NCF4: variants seen among roughly 807,000 people sequenced by gnomAD.
NCF4 encodes the protein neutrophil cytosolic factor 4, also known as neutrophil cytosol factor 4.
A neutral mutation model predicts 41.7 loss-of-function variants in NCF4; 30 were observed. The ratio of observed to expected loss-of-function variants is 0.72; its 90% confidence interval spans 0.54 to 0.97. The LOEUF (loss-of-function observed/expected upper bound fraction) is 0.97. NCF4 is among the 50% of genes least tolerant of loss of function. NCF4 has a pLI of 0.00. For missense variants in NCF4, 432 were observed against 460.9 expected, an observed-to-expected ratio of 0.94 and a Z score of 0.57; for synonymous variants, 195 against 175.8, an observed-to-expected ratio of 1.11 and a Z score of -0.87.
Position 36,877,809 on chromosome 22 carries a change from A to G in NCF4, c.1006A>G (p.Asn336Asp), listed in dbSNP as rs954280317. 6.2e-7 allele frequency: 1 copy of G among 1,613,736 alleles called. No individual in the cohort carries two copies. Among genetic ancestry groups the G allele is most frequent in the Admixed American group, 1.7e-5 (1 of 59,960 alleles). Residue 336 changes from asparagine to aspartate, a missense_variant, in exon 10 of 10, where the codon AAC becomes GAC. Transcript: ENST00000248899. ...GCAGAAGGACAACTACAGGGTCTAC[A>G]ACACGATGCCATGAGCTGACGGTGT... ...ITQKDNYRVY[N>D]TMP
intron 3 of NCF4, among the ~76,000 whole-genome samples, chr22:36,866,020 C>A (rs991284644): frequency 2.0e-5 from 3 of 152,082 alleles, no homozygotes; most frequent in Non-Finnish European, 4.4e-5. Context: ...GTATATTCAT[C>A]TTCCTCTTGA....
Position 36,865,062 on chromosome 22 carries a change from C to G in NCF4, c.261C>G (p.Pro87=). ...GCAGTGCCCTGGCCTGTACCCTGCC[C>G]ACACTCCCAGGTAGGCGGCCACTCC... ...SKSSALACTL[P]TLPAKVYVGV... Residue 87 remains proline, a synonymous_variant, in exon 3 of 10, where the codon CCC becomes CCG. Transcript: ENST00000248899. This position sits in a 1 kb window ranked among gnomAD's most constrained non-coding sequence, Gnocchi z 4.3. The G allele has an allele frequency of 1.9e-6, 3 of 1,611,600 alleles. No individual in the cohort carries two copies. The highest frequency in any genetic ancestry group is 2.5e-6 in the Non-Finnish European group (3 of 1,180,008).
At chr22:36,867,228 G>A (rs1355071935) in intron 3 of NCF4, among the ~76,000 whole-genome samples, 164 bp from the exon 4 acceptor site, 1 of 152,032 alleles carries the variant, frequency 6.6e-6, no homozygotes, top group Admixed American at 6.6e-5. Flanking sequence ...ATGAAAGTTG[G>A]ATGGTGCCAG....
chr22:36,869,262 C>G (rs1939998171), intron 4 of NCF4, among the ~76,000 whole-genome samples: 1 of 152,252 alleles, frequency 6.6e-6, no homozygotes, highest in South Asian at 2.1e-4. Context: ...TTGATGGGCA[C>G]CTGGTATATG....
intron 2 of NCF4, among the ~76,000 whole-genome samples, 154 bp downstream of exon 2, chr22:36,864,283 A>G (rs765148906): frequency 2.0e-5 from 3 of 151,978 alleles, no homozygotes; most frequent in African/African-American, 4.8e-5. Flanking sequence ...CCCATTTGAC[A>G]TTACCCTGGG....
chr22:36,872,512 C>T (rs570525629), intron 7 of NCF4, 87 bp downstream of exon 7: 34 of 1,139,990 alleles, frequency 3.0e-5, no homozygotes, highest in African/African-American at 1.2e-4. Context: ...GGTGGAAGTG[C>T]AATTGGAGGT....
rs372612108 is a variant in NCF4 at position 36,861,198 on chromosome 22, C to A, written c.27C>A (p.Ala9=). MAVAQQLR[A]ESDFEQLPDD... ...TGGCTGTGGCCCAGCAGCTGCGGGCCGAGAGGTGAGTGCCGGGGTGTGGCC... is the reference window on the plus strand; with the variant it reads ...TGGCTGTGGCCCAGCAGCTGCGGGCAGAGAGGTGAGTGCCGGGGTGTGGCC... The change falls in exon 1 of 10, where the codon GCC becomes GCA. Residue 9 remains alanine, a synonymous_variant. Coordinates refer to ENST00000248899, the MANE Select transcript of NCF4 (RefSeq NM_000631.5). The A allele has an allele frequency of 2.6e-6, 4 of 1,551,460 alleles. No individual in the cohort carries two copies. In the South Asian group the frequency reaches 4.8e-5, roughly 18 times the overall value.
intron 1 of NCF4, among the ~76,000 whole-genome samples, chr22:36,863,792 A>G (rs1159028807): frequency 1.3e-5 from 2 of 151,472 alleles, no homozygotes. Flanking sequence ...CCTACACTCA[A>G]TATGGCCACC....
chr22:36,864,253 TC>T, intron 2 of NCF4, 124 bp downstream of exon 2: 1 of 892,220 alleles, frequency 1.1e-6, no homozygotes, highest in Non-Finnish European at 1.9e-6. Flanking sequence ...TCTCAGTGGT[TC>T]TCAACAGGAC....
Position 36,877,877 on chromosome 22 carries a change from C to T in NCF4, c.*54C>T. On this transcript the variant is annotated 3_prime_UTR_variant, in exon 10 of 10. Coordinates refer to ENST00000248899, the MANE Select transcript of NCF4 (RefSeq NM_000631.5). ...GACACCAGCAAAAACCTTCAGCTCT[C>T]AGAGGAGATTGGGACCAGGAAAACC... 6.5e-6 allele frequency: 10 copies of T among 1,542,856 alleles called. No individual in the cohort carries two copies. The highest frequency in any genetic ancestry group is 1.4e-5 in the African/African-American group (1 of 73,024).
At chr22:36,863,616 T>C (rs867702558) in intron 1 of NCF4, among the ~76,000 whole-genome samples, 1 of 116,036 alleles carries the variant, frequency 8.6e-6, no homozygotes, top group African/African-American at 6.2e-5. Context: ...ACTGAGCAGC[T>C]CCATCCAGGG....
At position 36,877,707 on chromosome 22, in the gene NCF4, G is replaced by C. The variant is rs1347613059; in HGVS notation, c.904G>C (p.Asp302His). 1 of 1,614,160 alleles carries C rather than the reference G, an allele frequency of 6.2e-7. No homozygotes were observed. Among genetic ancestry groups the C allele is most frequent in the Non-Finnish European group, 8.5e-7 (1 of 1,180,028 alleles). ...GDLVRLLSDE[D>H]VALMVRQARG... is the part of the protein sequence containing the mutation. ...TCTGGTTCGGCTGCTGTCGGATGAG[G>C]ACGTAGCGCTCATGGTGCGGCAGGC... Residue 302 changes from aspartate (D) to histidine (H), a missense_variant, in exon 10 of 10, where the codon GAC becomes CAC. Asp to His is a moderately conservative substitution (Grantham distance 81). Transcript: ENST00000248899.
Position 36,867,426 on chromosome 22 carries a change from C to A in NCF4, c.306C>A (p.Ala102=). Residue 102 remains alanine, a synonymous_variant, in exon 4 of 10, where the codon GCC becomes GCA. Transcript: ENST00000248899. ...ACGTGGGTGTGAAACAGGAGATCGC[C>A]GAGATGCGGATACCTGCCCTCAACG... ...KVYVGVKQEI[A]EMRIPALNAY... 6.2e-7 allele frequency: 1 copy of A among 1,614,168 alleles called. No homozygotes were observed. Among genetic ancestry groups the A allele is most frequent in the Non-Finnish European group, 8.5e-7 (1 of 1,180,028 alleles).
rs776362467 is a variant in NCF4 at position 36,877,810 on chromosome 22, A to G, written c.1007A>G (p.Asn336Ser). The G allele has an allele frequency of 6.2e-7, 1 of 1,613,672 alleles. No individual in the cohort carries two copies. Among genetic ancestry groups the G allele is most frequent in the Non-Finnish European group, 8.5e-7 (1 of 1,179,778 alleles). Reference sequence around the variant, plus strand: ...CAGAAGGACAACTACAGGGTCTACAACACGATGCCATGAGCTGACGGTGTC... The same window carrying G: ...CAGAAGGACAACTACAGGGTCTACAGCACGATGCCATGAGCTGACGGTGTC... Reference protein sequence around the residue: ...ITQKDNYRVYNTMP With the variant: ...ITQKDNYRVYSTMP Residue 336 changes from asparagine to serine, a missense_variant, in exon 10 of 10, where the codon AAC becomes AGC. Asn to Ser is a conservative substitution (Grantham distance 46). Transcript: ENST00000248899.
chr22:36,874,431 C>T (rs926688491), intron 7 of NCF4, among the ~76,000 whole-genome samples: 2 of 152,178 alleles, frequency 1.3e-5, no homozygotes, highest in Non-Finnish European at 2.9e-5. Context: ...TGGAGAGGAG[C>T]TAGTAGTGAC....
rs34567417 is a variant in NCF4, at chr22:36,861,135, G to T, written c.-37G>T. ...GAACTCAGCCTGGGACTGGCTGGGCGAGACTCTCCACCTGCTCCCTGGGAC... is the reference window on the plus strand; with the variant it reads ...GAACTCAGCCTGGGACTGGCTGGGCTAGACTCTCCACCTGCTCCCTGGGAC... On this transcript the variant is annotated 5_prime_UTR_variant, in exon 1 of 10. Transcript: ENST00000248899. 2 of 1,551,098 alleles carry T rather than the reference G, an allele frequency of 1.3e-6. No homozygotes were observed. Among genetic ancestry groups the T allele is most frequent in the African/African-American group, 2.7e-5 (2 of 73,018 alleles).
Position 36,865,052 on chromosome 22 carries a change from G to A in NCF4, c.251G>A (p.Cys84Tyr). The A allele has an allele frequency of 6.2e-7, 1 of 1,612,184 alleles. No homozygotes were observed. The highest frequency in any genetic ancestry group is 1.1e-5 in the South Asian group (1 of 91,076). ...GACAGCAAGAGCAGTGCCCTGGCCTGTACCCTGCCCACACTCCCAGGTAGG... is the reference window on the plus strand; with the variant it reads ...GACAGCAAGAGCAGTGCCCTGGCCTATACCCTGCCCACACTCCCAGGTAGG... Reference protein sequence around the residue: ...GPDSKSSALACTLPTLPAKVY... With the variant: ...GPDSKSSALAYTLPTLPAKVY... The change falls in exon 3 of 10, where the codon TGT becomes TAT. Residue 84 changes from cysteine to tyrosine, a missense_variant. Transcript: ENST00000248899. This position sits in a 1 kb window ranked among gnomAD's most constrained non-coding sequence, Gnocchi z 4.3.
At chr22:36,864,818 T>TCATGATCTTCCTCCTCCTCCTCCTCCC (rs1939883880) in intron 2 of NCF4, 101 bp from the exon 3 acceptor site, 10 of 1,445,220 alleles carry the variant, frequency 6.9e-6, no homozygotes, top group Non-Finnish European at 9.6e-6. Context: ...ATCCTTATCC[T>TCATGATCTTCCTCCTCCTCCTCCTCCC]CATCATCTTC....
chr22:36,877,520 T>G, intron 9 of NCF4, 108 bp from the exon 10 acceptor site: 1 of 1,168,972 alleles, frequency 8.6e-7, no homozygotes, highest in Non-Finnish European at 1.3e-6. Flanking sequence ...TATCAGGCTC[T>G]GACTTTTTCT....
Sources: allele counts gnomAD v4.1 joint callset (sites outside exome capture counted in the v4.1 genomes callset), GRCh38; gene constraint gnomAD v4.1.1; non-coding constraint Gnocchi (gnomAD v3.1); transcripts MANE v1.5; gene names NCBI Gene and HGNC (gene_info 2026-07-23, HGNC 2026-07-21).